Variants in ASCC3 observed in about 807,000 individuals in gnomAD.
ASCC3 encodes activating signal cointegrator 1 complex subunit 3.
In ASCC3, 158 loss-of-function variants were observed where a neutral mutation model predicts 256.3. The ratio of observed to expected loss-of-function variants is 0.62; its 90% CI spans 0.54 to 0.70. The LOEUF (loss-of-function observed/expected upper bound fraction) is 0.70. Among genes scored for constraint, ASCC3 ranks in the 30% least tolerant of loss-of-function variants. ASCC3 has a pLI of 0.00. For synonymous variants in ASCC3, 948 were observed against 883.4 expected (o/e 1.07, Z -1.30); for missense variants, 2,259 against 2,626.0 (o/e 0.86, Z 3.05).
At chr6:100,702,693 T>G (rs1468926971) in intron 13 of ASCC3, among the ~76,000 whole-genome samples, 1 of 152,140 alleles carries the variant, frequency 6.6e-6, no homozygotes, top group Non-Finnish European at 1.5e-5. Context: ...CAGAGTTTTG[T>G]GTCAAAAAGA....
chr6:100,851,913 C>T (rs553297363), intron 3 of ASCC3, among the ~76,000 whole-genome samples: 3 of 152,198 alleles, frequency 2.0e-5, no homozygotes, highest in Non-Finnish European at 4.4e-5. Context: ...TTCCTGCAAC[C>T]ACCCCGGCTT....
rs150215709 is a variant in ASCC3, at chr6:100,750,116, T to C, written c.1737+16449A>G. Among the ~76,000 whole-genome samples, 520 of 151,890 alleles carry C rather than the reference T, an allele frequency of 3.4e-3. 3 individuals are homozygous for C. Among genetic ancestry groups the C allele is most frequent in the African/African-American group, 0.012 (492 of 41,500 alleles). ...GACCAAAATAACTGCCCCCAAACAA[T>C]AGAAAACTTGCTTCAGATCAAGAAC... On this transcript the variant is annotated intron_variant, in intron 10 of 41. Transcript: ENST00000369162.
chr6:100,772,012 T>C (rs1695737238), intron 8 of ASCC3, among the ~76,000 whole-genome samples: 1 of 151,654 alleles, frequency 6.6e-6, no homozygotes, highest in South Asian at 2.1e-4. Flanking sequence ...CCGGAGTAGC[T>C]GGGACTACAG....
At chr6:100,743,867 C>G (rs1388043426) in intron 10 of ASCC3, among the ~76,000 whole-genome samples, 4 of 152,182 alleles carry the variant, frequency 2.6e-5, no homozygotes, top group East Asian at 3.8e-4. Context: ...CACATTAATA[C>G]TCACAAATCT....
chr6:100,517,173 A>C (rs1267517564), intron 38 of ASCC3, among the ~76,000 whole-genome samples: 1 of 152,020 alleles, frequency 6.6e-6, no homozygotes, highest in Non-Finnish European at 1.5e-5. Context: ...CAATATATTT[A>C]AGTCAAATTG....
At chr6:100,618,327 A>G (rs1163453024) in intron 30 of ASCC3, among the ~76,000 whole-genome samples, 2 of 152,202 alleles carry the variant, frequency 1.3e-5, no homozygotes, top group Non-Finnish European at 2.9e-5. Context: ...GTTTGACAAG[A>G]GTATTACTGG....
chr6:100,776,712 A>T (rs903889230), intron 8 of ASCC3, among the ~76,000 whole-genome samples: 1 of 151,980 alleles, frequency 6.6e-6, no homozygotes, highest in Non-Finnish European at 1.5e-5. Context: ...CAGTAAACAT[A>T]CCTCATTTTT....
intron 8 of ASCC3, among the ~76,000 whole-genome samples, chr6:100,792,558 A>C (rs1026951167): frequency 4.6e-5 from 7 of 151,938 alleles, no homozygotes; most frequent in Non-Finnish European, 4.4e-5. Context: ...CATCATGGTC[A>C]ATTAATTATT....
At chr6:100,513,298 T>C (rs1031849477) in intron 39 of ASCC3, among the ~76,000 whole-genome samples, 1 of 152,222 alleles carries the variant, frequency 6.6e-6, no homozygotes, top group South Asian at 2.1e-4. Flanking sequence ...TTATTTAAAC[T>C]TGTGATTCCT....
At chr6:100,763,366 A>G (rs1781501570) in intron 10 of ASCC3, among the ~76,000 whole-genome samples, 1 of 152,240 alleles carries the variant, frequency 6.6e-6, no homozygotes, top group South Asian at 2.1e-4. Context: ...GTCAAAAATT[A>G]CTGACGAAGG....
intron 10 of ASCC3, among the ~76,000 whole-genome samples, chr6:100,745,723 A>G (rs567372729): frequency 2.3e-4 from 35 of 152,310 alleles, no homozygotes; most frequent in Admixed American, 7.2e-4. Flanking sequence ...ATTGCAAATG[A>G]GGAAAATAAT....
chr6:100,830,861 A>C (rs866124900), intron 4 of ASCC3, among the ~76,000 whole-genome samples: 6 of 152,228 alleles, frequency 3.9e-5, no homozygotes, highest in African/African-American at 1.4e-4. Context: ...AAGTTATCAA[A>C]GTAAAGCAAA....
chr6:100,648,947 A>G (rs959403633), intron 20 of ASCC3, among the ~76,000 whole-genome samples: 1 of 151,936 alleles, frequency 6.6e-6, no homozygotes, highest in Admixed American at 6.6e-5. Context: ...ATAAAATCCT[A>G]GAATATTTGA....
rs77567715 is a variant in ASCC3 at position 100,793,686 on chromosome 6, C to T, written c.1395+5027G>A. 2.6e-3 allele frequency among the ~76,000 whole-genome samples: 392 copies of T among 151,784 alleles called. 1 individual carries two copies. Among genetic ancestry groups the T allele is most frequent in the Middle Eastern group, 3.4e-3 (1 of 294 alleles). The stretch of plus-strand genomic sequence containing the variant: ...TTTAATTTGGCAAGTACTAAATTTC[C>T]TTAATACAAGCCTAGCCTCACCTGG... On this transcript the variant is annotated intron_variant, in intron 8 of 41. Coordinates refer to ENST00000369162, the MANE Select transcript of ASCC3 (RefSeq NM_006828.4).
Position 100,832,576 on chromosome 6 carries a change from C to G in ASCC3, c.801+15572G>C, listed in dbSNP as rs575057582. Among the ~76,000 whole-genome samples, 54 of 152,034 alleles carry G rather than the reference C, an allele frequency of 3.6e-4. 1 individual carries two copies. Among genetic ancestry groups the G allele is most frequent in the African/African-American group, 8.9e-4 (37 of 41,498 alleles). On this transcript the variant is annotated intron_variant, in intron 4 of 41. Transcript: ENST00000369162. Reference sequence around the variant, plus strand: ...ACTCAAATGAATAAATCATTTTTAACTTAAAAGAAAGAAAGCTCTCAAAAA... The same window carrying G: ...ACTCAAATGAATAAATCATTTTTAAGTTAAAAGAAAGAAAGCTCTCAAAAA...
At chr6:100,810,241 G>A (rs764656680) in intron 4 of ASCC3, among the ~76,000 whole-genome samples, 1 of 152,036 alleles carries the variant, frequency 6.6e-6, no homozygotes, top group Non-Finnish European at 1.5e-5. Context: ...GTCTTACTAG[G>A]CAGAATGACC....
chr6:100,764,322 G>A (rs995707859), intron 10 of ASCC3, among the ~76,000 whole-genome samples: 2 of 152,118 alleles, frequency 1.3e-5, no homozygotes, highest in African/African-American at 4.8e-5. Flanking sequence ...TAAAGAATGG[G>A]CAAGATTTGG....
chr6:100,639,108 G>A (rs1774988948), intron 24 of ASCC3, among the ~76,000 whole-genome samples: 1 of 152,130 alleles, frequency 6.6e-6, no homozygotes, highest in African/African-American at 2.4e-5. Context: ...TGAATAACAA[G>A]TATATGCATG....
intron 13 of ASCC3, among the ~76,000 whole-genome samples, chr6:100,680,609 T>C (rs1271322661): frequency 6.6e-6 from 1 of 152,200 alleles, no homozygotes; most frequent in Non-Finnish European, 1.5e-5. Context: ...AAAAGCAACT[T>C]TACATTGTTA....
Sources: allele counts gnomAD v4.1 joint callset (sites outside exome capture counted in the v4.1 genomes callset), GRCh38; gene constraint gnomAD v4.1.1; transcripts MANE v1.5; gene names NCBI Gene and HGNC (gene_info 2026-07-23, HGNC 2026-07-21).